TPST2: variants seen among roughly 807,000 people sequenced by gnomAD.
The protein encoded by TPST2 is tyrosylprotein sulfotransferase 2, also known as protein-tyrosine sulfotransferase 2.
Under a neutral mutation model 27.8 loss-of-function variants are expected in TPST2, and 16 were observed. The ratio of observed to expected loss-of-function variants is 0.58; its 90% CI spans 0.39 to 0.88. The LOEUF is 0.88. TPST2 is among the 40% of genes least tolerant of loss of function. TPST2 has a pLI of 0.00. For missense variants in TPST2, 464 were observed against 543.1 expected (o/e 0.85, Z 1.45); for synonymous variants, 229 against 231.7 (o/e 0.99, Z 0.10).
At chr22:26,532,792 A>T in intron 4 of TPST2, 47 bp from the exon 5 acceptor site, 1 of 1,591,036 alleles carries the variant, frequency 6.3e-7, no homozygotes, top group Non-Finnish European at 8.6e-7. Context: ...ATGGCCAAAA[A>T]ATAAAATTTA....
intron 1 of TPST2, among the ~76,000 whole-genome samples, chr22:26,557,508 G>T (rs573525231): frequency 6.6e-6 from 1 of 152,144 alleles, no homozygotes; most frequent in Non-Finnish European, 1.5e-5. Context: ...TGAATCTACC[G>T]ATGAGAAATC....
At chr22:26,545,618 A>G (rs1160333887) in intron 1 of TPST2, among the ~76,000 whole-genome samples, 1 of 152,218 alleles carries the variant, frequency 6.6e-6, no homozygotes, top group Non-Finnish European at 1.5e-5. Flanking sequence ...CTGAGTCTGA[A>G]GCTAAACCTC....
At chr22:26,565,704 C>T (rs1213412886) in intron 1 of TPST2, 1 of 152,150 alleles carries the variant, frequency 6.6e-6, no homozygotes, top group East Asian at 1.9e-4. Context: ...CTCAGTTTTC[C>T]AGTAGCTATG....
At position 26,560,403 on chromosome 22, in the gene TPST2, T is replaced by G. The variant is rs189093845; in HGVS notation, c.-160-15728A>C. On this transcript the variant is annotated intron_variant, in intron 1 of 6. Transcript: ENST00000338754. ...TATTGCAGCAGTGCCATATGACTTT[T>G]GTAAGGATTAAATAAGATATTGTGC... 137 of 618,336 alleles carry G rather than the reference T, an allele frequency of 2.2e-4. 2 individuals are homozygous for G. The East Asian group carries it at 3.1e-3, about 14-fold the overall frequency. The allele number at this position is 618,336 out of a possible 1,614,324, so 38.3% of individuals were successfully genotyped here.
intron 1 of TPST2, among the ~76,000 whole-genome samples, chr22:26,549,409 G>A (rs548591119): frequency 3.3e-5 from 5 of 152,192 alleles, no homozygotes; most frequent in South Asian, 2.1e-4. Flanking sequence ...CTGTAATCCC[G>A]GCACTTTGTG....
intron 4 of TPST2, among the ~76,000 whole-genome samples, chr22:26,535,381 A>G (rs1925396109): frequency 6.6e-6 from 1 of 152,274 alleles, no homozygotes; most frequent in Non-Finnish European, 1.5e-5. Flanking sequence ...GTTAGAACAC[A>G]GCACTTAAAG....
intron 1 of TPST2, among the ~76,000 whole-genome samples, chr22:26,554,164 C>G (rs576678659): frequency 4.5e-4 from 68 of 152,314 alleles, no homozygotes; most frequent in Admixed American, 4.6e-4. Flanking sequence ...TCAGGTCTAT[C>G]TGATGCCGGA....
In TPST2 at chr22:26,524,566, G is replaced by A. The variant is rs1176012953; in HGVS notation, c.*1709C>T. 6.6e-6 allele frequency: 1 copy of A among 152,118 alleles called. No homozygotes were observed. The highest frequency in any genetic ancestry group is 2.4e-5 in the African/African-American group (1 of 41,396). The allele number at this position is 152,118 out of a possible 1,614,324, so 9.4% of individuals were successfully genotyped here. Reference sequence around the variant, plus strand: ...TTAACTTCCCCATTTTACAGATGAAGAGACAAAGTCTCAAGCCATACAGCC... The same window carrying A: ...TTAACTTCCCCATTTTACAGATGAAAAGACAAAGTCTCAAGCCATACAGCC... On this transcript the variant is annotated 3_prime_UTR_variant, in exon 7 of 7. Transcript: ENST00000338754.
chr22:26,537,337 G>A (rs939489268), intron 3 of TPST2, among the ~76,000 whole-genome samples: 2 of 152,218 alleles, frequency 1.3e-5, no homozygotes, highest in Non-Finnish European at 2.9e-5. Flanking sequence ...TCACCTCTCT[G>A]GGCCTCAGTT....
At chr22:26,572,688 T>C (rs1927676424) in intron 1 of TPST2, among the ~76,000 whole-genome samples, 1 of 152,114 alleles carries the variant, frequency 6.6e-6, no homozygotes, top group Non-Finnish European at 1.5e-5. Context: ...CCACTCACCA[T>C]TCTGTATGGT....
chr22:26,566,446 G>A (rs866598240), intron 1 of TPST2, among the ~76,000 whole-genome samples: 5 of 151,972 alleles, frequency 3.3e-5, no homozygotes, highest in Admixed American at 1.3e-4. Context: ...AGCTACTCCC[G>A]GGAGGCTGAG....
At chr22:26,554,743 G>A (rs769651471) in intron 1 of TPST2, among the ~76,000 whole-genome samples, 3 of 152,204 alleles carry the variant, frequency 2.0e-5, no homozygotes, top group Non-Finnish European at 4.4e-5. Context: ...TTCAAGACCA[G>A]CATGGCCAAC....
chr22:26,556,528 G>T (rs1002047289), intron 1 of TPST2, among the ~76,000 whole-genome samples: 1 of 152,080 alleles, frequency 6.6e-6, no homozygotes. Context: ...CGACAAGAGC[G>T]AAACTCCATC....
intron 1 of TPST2, among the ~76,000 whole-genome samples, chr22:26,548,670 G>A (rs1169953722): frequency 6.6e-6 from 1 of 151,994 alleles, no homozygotes; most frequent in African/African-American, 2.4e-5. Flanking sequence ...TCCAAACTCG[G>A]AAAAAATTCA....
intron 3 of TPST2, among the ~76,000 whole-genome samples, chr22:26,537,344 A>G (rs1190130837): frequency 6.6e-6 from 1 of 152,224 alleles, no homozygotes; most frequent in Admixed American, 6.5e-5. Context: ...TCTGGGCCTC[A>G]GTTTCCTCTT....
At chr22:26,554,889 G>A (rs1926703032) in intron 1 of TPST2, among the ~76,000 whole-genome samples, 1 of 152,212 alleles carries the variant, frequency 6.6e-6, no homozygotes, top group South Asian at 2.1e-4. Flanking sequence ...AGTGAGCCAA[G>A]ATGGCGCCAC....
At chr22:26,580,922 G>C (rs1450352596) in intron 1 of TPST2, among the ~76,000 whole-genome samples, 1 of 152,020 alleles carries the variant, frequency 6.6e-6, no homozygotes, top group Non-Finnish European at 1.5e-5. Context: ...CAAAATTCAA[G>C]TCCTTTGGCA....
intron 4 of TPST2, chr22:26,535,915 T>C (rs1303037579): frequency 5.4e-6 from 2 of 367,404 alleles, no homozygotes; most frequent in African/African-American, 2.1e-5. Context: ...AAGGGACCAA[T>C]AGTTTATTTA....
intron 1 of TPST2, among the ~76,000 whole-genome samples, chr22:26,571,168 C>T (rs1297996155): frequency 6.6e-6 from 1 of 152,112 alleles, no homozygotes; most frequent in Non-Finnish European, 1.5e-5. Flanking sequence ...CTGCCCCCAA[C>T]CCCACTGGCC....
Sources: allele counts gnomAD v4.1 joint callset (sites outside exome capture counted in the v4.1 genomes callset), GRCh38; gene constraint gnomAD v4.1.1; transcripts MANE v1.5; gene names NCBI Gene and HGNC (gene_info 2026-07-23, HGNC 2026-07-21).